The following ACVR2A variants were observed in gnomAD, a reference collection of about 807,000 sequenced individuals.
ACVR2A encodes activin receptor type-2A.
A neutral mutation model predicts 61.4 loss-of-function variants in ACVR2A; 7 were observed. That is an observed-to-expected ratio of 0.11 (90% CI 0.06 to 0.21). The LOEUF (loss-of-function observed/expected upper bound fraction) is 0.21, where lower values mean the gene tolerates loss of function less well. Ranked by LOEUF, ACVR2A falls within the 10% of genes least tolerant of loss-of-function variation. ACVR2A has a pLI of 1.00. For missense variants in ACVR2A, 322 were observed against 621.7 expected (o/e 0.52, Z 5.13); for synonymous variants, 193 against 208.3 (o/e 0.93, Z 0.63).
chr2:147,892,171 C>T (rs1686603530), intron 1 of ACVR2A, among the ~76,000 whole-genome samples: 1 of 151,952 alleles, frequency 6.6e-6, no homozygotes. Flanking sequence ...GGGGTTTCAC[C>T]ATGTTGGCCA....
rs527765457 is a variant in ACVR2A at position 147,877,917 on chromosome 2, C to T, written c.56-18384C>T. ...CTGTAACTTCGATCCTTGCTTTAAA[C>T]TTTACATTTATCATGCTGCTTTTTT... On this transcript the variant is annotated intron_variant, in intron 1 of 10. Transcript: ENST00000241416. Among the ~76,000 whole-genome samples, 6 of 152,310 alleles carry T rather than the reference C, an allele frequency of 3.9e-5. No individual in the cohort carries two copies. In the East Asian group the frequency reaches 1.2e-3, roughly 29 times the overall value.
chr2:147,897,282 A>G (rs1686761213), intron 2 of ACVR2A, among the ~76,000 whole-genome samples: 1 of 152,258 alleles, frequency 6.6e-6, no homozygotes, highest in Admixed American at 6.5e-5. Flanking sequence ...TGCTAGGATT[A>G]CAGATGTGAG....
intron 1 of ACVR2A, among the ~76,000 whole-genome samples, chr2:147,893,496 A>G (rs1384864138): frequency 2.6e-5 from 4 of 152,194 alleles, no homozygotes; most frequent in African/African-American, 4.8e-5. Context: ...ACCACCATCA[A>G]TATGTGAAAG....
At chr2:147,884,748 T>A (rs1686388033) in intron 1 of ACVR2A, among the ~76,000 whole-genome samples, 1 of 152,196 alleles carries the variant, frequency 6.6e-6, no homozygotes, top group African/African-American at 2.4e-5. Flanking sequence ...ATGCATTTGA[T>A]ACCTGTGGCC....
chr2:147,845,284 T>C (rs1490648015), intron 1 of ACVR2A, 77 bp downstream of exon 1: 3 of 1,443,232 alleles, frequency 2.1e-6, no homozygotes, highest in Non-Finnish European at 2.9e-6. Flanking sequence ...CGGCTGGTGT[T>C]GAGTCGGAGA....
At chr2:147,893,738 T>C (rs1686649297) in intron 1 of ACVR2A, among the ~76,000 whole-genome samples, 1 of 152,194 alleles carries the variant, frequency 6.6e-6, no homozygotes, top group South Asian at 2.1e-4. Flanking sequence ...TTTTTTCCTA[T>C]GATTGACTTG....
chr2:147,857,829 A>T (rs1573913956), intron 1 of ACVR2A, among the ~76,000 whole-genome samples: 1 of 111,948 alleles, frequency 8.9e-6, no homozygotes, highest in South Asian at 2.9e-4. Flanking sequence ...CATGCGACTT[A>T]AAAAAAAAAT....
chr2:147,855,385 A>T (rs1448511043), intron 1 of ACVR2A, among the ~76,000 whole-genome samples: 1 of 152,214 alleles, frequency 6.6e-6, no homozygotes, highest in East Asian at 1.9e-4. Flanking sequence ...CTTTGATGTA[A>T]CAGGGGAAGG....
chr2:147,918,141 T>C (rs1687296572), intron 6 of ACVR2A, among the ~76,000 whole-genome samples: 2 of 151,332 alleles, frequency 1.3e-5, no homozygotes, highest in Admixed American at 1.3e-4. Flanking sequence ...AAATATTTTC[T>C]AGAACCTTAG....
At chr2:147,855,800 T>C (rs1237397631) in intron 1 of ACVR2A, among the ~76,000 whole-genome samples, 1 of 152,194 alleles carries the variant, frequency 6.6e-6, no homozygotes, top group Non-Finnish European at 1.5e-5. Flanking sequence ...TGAATTTTTG[T>C]AACAAATTTC....
rs142363392 is a variant in ACVR2A at position 147,917,155 on chromosome 2, C to G, written c.673-128C>G. ...AGCTTTTTCTTATTACAAAACAGAACAAAAAATTTTTTAAGACTTTTTTGT... is the reference window on the plus strand; with the variant it reads ...AGCTTTTTCTTATTACAAAACAGAAGAAAAAATTTTTTAAGACTTTTTTGT... On this transcript the variant is annotated intron_variant, in intron 5 of 10. Coordinates refer to ENST00000241416, the MANE Select transcript of ACVR2A (RefSeq NM_001616.5). 7.3e-4 allele frequency: 740 copies of G among 1,015,214 alleles called. 15 individuals carry two copies. The East Asian group carries it at 0.021, about 29-fold the overall frequency. The allele number at this position is 1,015,214 out of a possible 1,614,324, so 62.9% of individuals were successfully genotyped here.
At chr2:147,903,221 G>A (rs574854547) in intron 4 of ACVR2A, among the ~76,000 whole-genome samples, 6 of 149,964 alleles carry the variant, frequency 4.0e-5, no homozygotes, top group Admixed American at 6.6e-5. Context: ...TAGCACAGTC[G>A]AAGGCATAGA....
At chr2:147,881,190 A>G (rs1454075573) in intron 1 of ACVR2A, among the ~76,000 whole-genome samples, 2 of 152,180 alleles carry the variant, frequency 1.3e-5, no homozygotes, top group Non-Finnish European at 2.9e-5. Context: ...GTTGAATGAT[A>G]AATCCGAAGT....
chr2:147,881,602 A>AGT (rs145075375), intron 1 of ACVR2A, among the ~76,000 whole-genome samples: 3,313 of 81,376 alleles, frequency 0.041, 181 homozygotes, highest in African/African-American at 0.11. Context: ...GAAGCTGCTT[A>AGT]GTGTGTGTGT....
At chr2:147,913,235 G>T (rs1173928261) in intron 4 of ACVR2A, among the ~76,000 whole-genome samples, 2 of 151,780 alleles carry the variant, frequency 1.3e-5, no homozygotes, top group Non-Finnish European at 2.9e-5. Context: ...TGTTGTTGAT[G>T]TCCTTTAGAA....
At chr2:147,881,815 A>G (rs911605558) in intron 1 of ACVR2A, among the ~76,000 whole-genome samples, 3 of 152,244 alleles carry the variant, frequency 2.0e-5, no homozygotes, top group East Asian at 1.9e-4. Flanking sequence ...CCTGCATTCA[A>G]TTACTAAACT....
At chr2:147,846,544 G>T (rs1466543281) in intron 1 of ACVR2A, among the ~76,000 whole-genome samples, 1 of 152,062 alleles carries the variant, frequency 6.6e-6, no homozygotes, top group Admixed American at 6.6e-5. Context: ...ATCAGTTCCG[G>T]GTGGGCTGAA....
chr2:147,859,795 G>A lies in ACVR2A; in HGVS notation c.55+14588G>A, dbSNP rs188583936. Reference sequence around the variant, plus strand: ...TTTTGGTACTCAGCTACCTTATGAGGTAGTTAACTGTTTTACAGATGAGAA... The same window carrying A: ...TTTTGGTACTCAGCTACCTTATGAGATAGTTAACTGTTTTACAGATGAGAA... On this transcript the variant is annotated intron_variant, in intron 1 of 10. Coordinates refer to ENST00000241416, the MANE Select transcript of ACVR2A (RefSeq NM_001616.5). 2.0e-5 allele frequency among the ~76,000 whole-genome samples: 3 copies of A among 152,214 alleles called. No homozygotes were observed. The East Asian group carries it at 5.8e-4, about 29-fold the overall frequency.
At position 147,928,854 on chromosome 2, in the gene ACVR2A, A is replaced by G. The variant is rs1359037946; in HGVS notation, c.*1580A>G. 1 of 152,438 alleles carries G rather than the reference A, an allele frequency of 6.6e-6. No individual in the cohort carries two copies. Among genetic ancestry groups the G allele is most frequent in the Non-Finnish European group, 1.5e-5 (1 of 67,950 alleles). 9.4% of individuals were successfully genotyped at this position (152,438 alleles called of 1,614,324 possible). On this transcript the variant is annotated 3_prime_UTR_variant, in exon 11 of 11. Coordinates refer to ENST00000241416, the MANE Select transcript of ACVR2A (RefSeq NM_001616.5). ...GAATTTCCAGATTACCAATCAATTA[A>G]TCAACAAATAGCCAGTATTATGCTG...
Sources: allele counts gnomAD v4.1 joint callset (sites outside exome capture counted in the v4.1 genomes callset), GRCh38; gene constraint gnomAD v4.1.1; transcripts MANE v1.5; gene names NCBI Gene and HGNC (gene_info 2026-07-23, HGNC 2026-07-21).